TAFA5: variants seen among roughly 807,000 people sequenced by gnomAD.
TAFA5 encodes chemokine-like protein TAFA-5.
In TAFA5, 6 loss-of-function variants were observed where a neutral mutation model predicts 15.3. The observed-to-expected ratio is 0.39, with a 90% CI of 0.21 to 0.77. TAFA5 has a LOEUF of 0.77. Among genes scored for constraint, TAFA5 ranks in the 30% least tolerant of loss-of-function variants. The pLI is 0.41. For synonymous variants in TAFA5, 103 were observed against 80.7 expected, an observed-to-expected ratio of 1.28 and a Z score of -1.48; for missense variants, 161 against 193.1, an observed-to-expected ratio of 0.83 and a Z score of 0.98.
intron 1 of TAFA5, among the ~76,000 whole-genome samples, chr22:48,638,645 C>T (rs568228090): frequency 7.6e-6 from 1 of 131,848 alleles, no homozygotes; most frequent in Non-Finnish European, 1.6e-5. Flanking sequence ...CAACCCCCCC[C>T]ACACACTAAG....
chr22:48,729,771 A>AATATAAAT (rs1159917847), intron 3 of TAFA5, among the ~76,000 whole-genome samples: 3 of 147,806 alleles, frequency 2.0e-5, no homozygotes, highest in Non-Finnish European at 3.0e-5. Context: ...TATAAATTTA[A>AATATAAAT]ATATAAATAT....
intron 1 of TAFA5, among the ~76,000 whole-genome samples, chr22:48,591,277 G>A (rs1401736185): frequency 2.0e-5 from 3 of 152,248 alleles, no homozygotes; most frequent in Non-Finnish European, 4.4e-5. Flanking sequence ...AAGAGGAGAA[G>A]CTTCCCGGTT....
At chr22:48,496,092 A>C (rs1056377651) in intron 1 of TAFA5, among the ~76,000 whole-genome samples, 4 of 152,228 alleles carry the variant, frequency 2.6e-5, no homozygotes, top group African/African-American at 9.6e-5. Context: ...TAGGCCAGAA[A>C]GTGCCCACCT....
At chr22:48,664,603 T>C (rs28563802) in intron 2 of TAFA5, among the ~76,000 whole-genome samples, 17,437 of 152,126 alleles carry the variant, frequency 0.11, 1,787 homozygotes, top group African/African-American at 0.27. Context: ...TCACCCCTCC[T>C]GGCCCGATCT....
chr22:48,686,121 C>T (rs1450875598), intron 2 of TAFA5, among the ~76,000 whole-genome samples: 1 of 152,218 alleles, frequency 6.6e-6, no homozygotes, highest in East Asian at 1.9e-4. Context: ...TTCAAAGCTC[C>T]TTCCAGCGGG....
At chr22:48,602,947 A>G (rs527988747) in intron 1 of TAFA5, among the ~76,000 whole-genome samples, 1 of 152,288 alleles carries the variant, frequency 6.6e-6, no homozygotes, top group South Asian at 2.1e-4. Context: ...AGGCCCAGAC[A>G]GGGACCCCGC....
intron 3 of TAFA5, among the ~76,000 whole-genome samples, chr22:48,743,451 C>G (rs139672191): frequency 2.0e-5 from 3 of 152,354 alleles, no homozygotes; most frequent in African/African-American, 7.2e-5. Context: ...CATTCTAACT[C>G]GATCACATCT....
At chr22:48,642,142 G>C (rs1230453901) in intron 1 of TAFA5, among the ~76,000 whole-genome samples, 1 of 152,016 alleles carries the variant, frequency 6.6e-6, no homozygotes, top group Non-Finnish European at 1.5e-5. Flanking sequence ...CCCTGTGAAG[G>C]GGCCTGTGCT....
At chr22:48,546,576 A>T (rs1483959590) in intron 1 of TAFA5, 2 of 471,118 alleles carry the variant, frequency 4.2e-6, no homozygotes, top group South Asian at 3.1e-5. Flanking sequence ...TGAGCAAGGG[A>T]TGTGCATCCA....
chr22:48,549,523 A>G (rs565644616), intron 1 of TAFA5, among the ~76,000 whole-genome samples: 1 of 152,316 alleles, frequency 6.6e-6, no homozygotes, highest in Admixed American at 6.5e-5. Flanking sequence ...ATGTGGTGGC[A>G]TTTGGAGAAG....
chr22:48,534,160 G>A (rs541310859), intron 1 of TAFA5, among the ~76,000 whole-genome samples: 55 of 150,840 alleles, frequency 3.6e-4, no homozygotes, highest in Admixed American at 1.1e-3. Context: ...GGCAGGTGAG[G>A]GGGGCCAGGC....
intron 1 of TAFA5, among the ~76,000 whole-genome samples, chr22:48,588,910 A>G (rs192102871): frequency 6.6e-6 from 1 of 151,802 alleles, no homozygotes; most frequent in African/African-American, 2.4e-5. Context: ...TACAATACAC[A>G]CTCTTCAAAG....
intron 2 of TAFA5, among the ~76,000 whole-genome samples, chr22:48,674,516 G>A (rs1054226808): frequency 2.6e-5 from 4 of 152,164 alleles, no homozygotes; most frequent in Admixed American, 6.5e-5. Flanking sequence ...CGGTGATCTC[G>A]GTGTTATTGA....
chr22:48,571,747 C>A (rs1295195505), intron 1 of TAFA5, among the ~76,000 whole-genome samples: 3 of 151,682 alleles, frequency 2.0e-5, no homozygotes, highest in Non-Finnish European at 2.9e-5. Flanking sequence ...CTCTTTGTTG[C>A]CTTTTATTCT....
intron 3 of TAFA5, among the ~76,000 whole-genome samples, chr22:48,740,808 C>T (rs537423353): frequency 3.3e-5 from 5 of 152,272 alleles, no homozygotes; most frequent in South Asian, 2.1e-4. Flanking sequence ...GACATGCCCC[C>T]GGCAGGCCTC....
At chr22:48,710,555 C>T (rs1322210866) in intron 3 of TAFA5, among the ~76,000 whole-genome samples, 1 of 152,178 alleles carries the variant, frequency 6.6e-6, no homozygotes, top group African/African-American at 2.4e-5. Flanking sequence ...CAGCCTGCCG[C>T]GTCCGTCCAG....
At chr22:48,572,024 G>A (rs1421158329) in intron 1 of TAFA5, among the ~76,000 whole-genome samples, 1 of 151,986 alleles carries the variant, frequency 6.6e-6, no homozygotes, top group African/African-American at 2.4e-5. Context: ...TTGGGAGCCT[G>A]GTTTTCTCTT....
intron 1 of TAFA5, among the ~76,000 whole-genome samples, chr22:48,644,381 G>A (rs1023074284): frequency 6.6e-6 from 1 of 152,212 alleles, no homozygotes; most frequent in Non-Finnish European, 1.5e-5. Flanking sequence ...GACTCAGCAG[G>A]CCCTTATGCA....
intron 1 of TAFA5, among the ~76,000 whole-genome samples, chr22:48,620,829 C>G (rs1925789195): frequency 1.0e-5 from 1 of 99,912 alleles, no homozygotes; most frequent in Non-Finnish European, 1.9e-5. Flanking sequence ...TCTATACACC[C>G]ACCCACCCAC....
Sources: gnomAD v4.1 joint callset for allele counts (sites outside exome capture counted in the v4.1 genomes callset) on GRCh38, gnomAD v4.1.1 for gene constraint, MANE v1.5 for transcripts, NCBI Gene and HGNC (gene_info 2026-07-23, HGNC 2026-07-21) for gene names.